The following TAPBPL variants were observed in gnomAD, a reference collection of about 807,000 sequenced individuals.
TAPBPL encodes the protein TAP binding protein like.
A neutral mutation model predicts 44.8 loss-of-function variants in TAPBPL; 32 were observed. The ratio of observed to expected loss-of-function variants is 0.71; its 90% CI spans 0.54 to 0.96. The LOEUF is 0.96. Ranked by LOEUF, TAPBPL falls within the 40% of genes least tolerant of loss-of-function variation. The probability of loss-of-function intolerance (pLI) is 0.00; values close to 1 mark genes in which losing one functional copy is unlikely to be tolerated. For missense variants in TAPBPL, 520 were observed against 586.6 expected (o/e 0.89, Z 1.17); for synonymous variants, 230 against 240.7 (o/e 0.96, Z 0.41).
chr12:6,454,532 C>T (rs2532498), intron 3 of TAPBPL, among the ~76,000 whole-genome samples: 1 of 151,966 alleles, frequency 6.6e-6, no homozygotes, highest in Non-Finnish European at 1.5e-5. Context: ...CCTACCTGAA[C>T]GTCCCCAGGC....
In TAPBPL at chr12:6,453,043, G is replaced by A. The variant is rs1234998973; in HGVS notation, c.65-24G>A. On this transcript the variant is annotated intron_variant, in intron 1 of 6. Transcript: ENST00000266556. This position sits in a 1 kb window ranked among gnomAD's most constrained non-coding sequence, Gnocchi z 4.8. ...GGAGTAGCTTTCTGGGGAAGGCGGT[G>A]CTCACCCCAGCCTTTGTCTGCAGAG... 6.4e-7 allele frequency: 1 copy of A among 1,552,828 alleles called. No individual in the cohort carries two copies. The highest frequency in any genetic ancestry group is 8.7e-7 in the Non-Finnish European group (1 of 1,147,704).
chr12:6,454,192 G>C (rs1371770755), intron 3 of TAPBPL, among the ~76,000 whole-genome samples: 1 of 152,078 alleles, frequency 6.6e-6, no homozygotes, highest in African/African-American at 2.4e-5. Flanking sequence ...AGTCAGGCCA[G>C]GTGCGAAGGC....
downstream of TAPBPL, chr12:6,462,715 CAGT>C: frequency 9.2e-7 from 1 of 1,092,646 alleles, no homozygotes; most frequent in Non-Finnish European, 1.3e-6. Context: ...ACATCGAGGA[CAGT>C]GGTGGTTCTT....
At position 6,457,422 on chromosome 12, in the gene TAPBPL, GAC is replaced by G; in HGVS notation, c.586_587del (p.Gln196AspfsTer109). Reference sequence around the variant, plus strand: ...TCTTCACAGTGGAGTTCCAGGTGATGACACAGACCCAATCCCTGAGCTTCCTG... The same window carrying G: ...TCTTCACAGTGGAGTTCCAGGTGATGACAGACCCAATCCCTGAGCTTCCTG... Reference protein sequence around the residue: ...VRTAVEFQVMTQTQSLSFLLG... With the variant: ...VRTAVEFQVMXQTQSLSFLLG... On this transcript the variant is annotated frameshift_variant, in exon 4 of 7. Transcript: ENST00000266556. LOFTEE classifies it high-confidence loss of function. The G allele has an allele frequency of 6.2e-7, 1 of 1,613,886 alleles. No individual in the cohort carries two copies. Among genetic ancestry groups the G allele is most frequent in the Non-Finnish European group, 8.5e-7 (1 of 1,179,806 alleles).
chr12:6,470,265 G>T (rs1945737551), downstream of TAPBPL, among the ~76,000 whole-genome samples: 1 of 152,034 alleles, frequency 6.6e-6, no homozygotes, highest in Non-Finnish European at 1.5e-5. Flanking sequence ...CCAGAATGAG[G>T]CGCCACTCAG....
chr12:6,457,397 T>A lies in TAPBPL; in HGVS notation c.566-9T>A. 1.2e-6 allele frequency: 2 copies of A among 1,608,280 alleles called. No individual in the cohort carries two copies. Among genetic ancestry groups the A allele is most frequent in the Non-Finnish European group, 1.7e-6 (2 of 1,175,746 alleles). On this transcript the variant is annotated splice_polypyrimidine_tract_variant and intron_variant, in intron 3 of 6. Transcript: ENST00000266556. ...AGCCCACAAATCACCCCTCTTTTCCTCTTCACAGTGGAGTTCCAGGTGATG... is the reference window on the plus strand; with the variant it reads ...AGCCCACAAATCACCCCTCTTTTCCACTTCACAGTGGAGTTCCAGGTGATG...
At chr12:6,451,903 CCA>C (rs1487343172), upstream of TAPBPL, 7 of 363,626 alleles carry the variant, frequency 1.9e-5, no homozygotes, top group Admixed American at 8.9e-5. Context: ...TCCCCTTTTC[CCA>C]CAGTTATAGC....
intron 1 of TAPBPL, chr12:6,452,726 C>T (rs1736389575): frequency 5.9e-6 from 4 of 675,900 alleles, no homozygotes; most frequent in Non-Finnish European, 8.9e-6. Flanking sequence ...AGTAACTGTC[C>T]AGTCTCCTCT....
downstream of TAPBPL, chr12:6,465,992 G>A (rs1424452490): frequency 3.1e-6 from 5 of 1,614,244 alleles, no homozygotes; most frequent in Admixed American, 5.0e-5. Flanking sequence ...CACGTATGAT[G>A]TCCACCACCT....
At chr12:6,462,822 T>G (rs1349086588), downstream of TAPBPL, 1 of 1,604,686 alleles carries the variant, frequency 6.2e-7, no homozygotes, top group Admixed American at 1.7e-5. Flanking sequence ...GACTGCTTTC[T>G]TCCAGCTCTT....
At chr12:6,468,682 C>T (rs971661659), downstream of TAPBPL, among the ~76,000 whole-genome samples, 7 of 152,316 alleles carry the variant, frequency 4.6e-5, no homozygotes, top group Non-Finnish European at 1.0e-4. Flanking sequence ...AATGTTCTCT[C>T]ATTCTGTACC....
Position 6,462,187 on chromosome 12 carries a change from C to G in TAPBPL, c.*38C>G, listed in dbSNP as rs1228556353. 1.3e-6 allele frequency: 2 copies of G among 1,532,160 alleles called. No individual in the cohort carries two copies. The highest frequency in any genetic ancestry group is 1.8e-6 in the Non-Finnish European group (2 of 1,124,942). The allele number at this position is 1,532,160 out of a possible 1,614,324, so 94.9% of individuals were successfully genotyped here. A position where few individuals can be genotyped will look rare whatever the true frequency, so the allele number is the denominator to read the frequency against. ...TGAGACTACTAGAAAGAAACGACAC[C>G]CTTCCCCAAGCCCCCACAGCTACTC... is the stretch of plus-strand genomic sequence containing the variant. On this transcript the variant is annotated 3_prime_UTR_variant, in exon 7 of 7. Transcript: ENST00000266556.
chr12:6,470,383 G>T, downstream of TAPBPL: 2 of 1,217,160 alleles, frequency 1.6e-6, no homozygotes, highest in Admixed American at 2.0e-5. Context: ...CCTCCCTGGG[G>T]GTGGCCCGGT....
In TAPBPL at chr12:6,460,927, A is replaced by T. The variant is rs146303956; in HGVS notation, c.1280A>T (p.Gln427Leu). Residue 427 changes from glutamine to leucine, a missense_variant, in exon 6 of 7, where the codon CAG becomes CTG. By Grantham distance (113) the Gln-to-Leu change is moderately radical. Transcript: ENST00000266556. ...FLLALMFLGL[Q>L]RRQAPTGLGL... ...CTTGCACTGATGTTCCTGGGGCTTC[A>T]GAGACGGCAAGGTAAGAGCCTGGGT... is the stretch of plus-strand genomic sequence containing the variant. 52 of 1,614,066 alleles carry T rather than the reference A, an allele frequency of 3.2e-5. No individual in the cohort carries two copies. The African/African-American group carries it at 6.7e-4, about 21-fold the overall frequency.
Position 6,453,686 on chromosome 12 carries a change from C to CT in TAPBPL, c.536dup (p.Ser180GlufsTer126), listed in dbSNP as rs756473335. Reference sequence around the variant, plus strand: ...CTGGCACCCGACGCTGAACTTGCCACTGAGCCCCCAGGGGACTGTGCGAAC... The same window carrying CT: ...CTGGCACCCGACGCTGAACTTGCCACTTGAGCCCCCAGGGGACTGTGCGAAC... On this transcript the variant is annotated frameshift_variant, in exon 3 of 7. Coordinates refer to ENST00000266556, the MANE Select transcript of TAPBPL (RefSeq NM_018009.5). LOFTEE classifies it high-confidence loss of function. This position sits in a 1 kb window ranked among gnomAD's most constrained non-coding sequence, Gnocchi z 4.8. The CT allele has an allele frequency of 3.7e-6, 6 of 1,612,306 alleles. No individual in the cohort carries two copies. The South Asian group carries it at 6.6e-5, about 18-fold the overall frequency.
chr12:6,470,743 C>G (rs945556954), downstream of TAPBPL: 2 of 640,842 alleles, frequency 3.1e-6, no homozygotes, highest in African/African-American at 1.8e-5. Flanking sequence ...CGGTGACAAC[C>G]CCGCGGCCCA....
downstream of TAPBPL, chr12:6,465,944 C>G (rs985285542): frequency 1.9e-6 from 3 of 1,614,142 alleles, no homozygotes; most frequent in African/African-American, 1.3e-5. Context: ...CCAGCTCTGA[C>G]AGCTTCTGGT....
chr12:6,451,804 G>T, upstream of TAPBPL: 1 of 275,718 alleles, frequency 3.6e-6, no homozygotes. Flanking sequence ...TGGCAGAGGA[G>T]GTTTCTCAGC....
Position 6,458,910 on chromosome 12 carries a change from G to A in TAPBPL, c.1170G>A (p.Glu390=). The A allele has an allele frequency of 1.2e-6, 2 of 1,614,126 alleles. No individual in the cohort carries two copies. The highest frequency in any genetic ancestry group is 1.3e-5 in the African/African-American group (1 of 75,044). Residue 390 remains glutamate, a synonymous_variant, in exon 5 of 7, where the codon GAG becomes GAA. Transcript: ENST00000266556. ...GCCAGGTCACACACATCTCTCTGGAGGAGCCCCTTGGGGCCAGCACCCAGG... is the reference window on the plus strand; with the variant it reads ...GCCAGGTCACACACATCTCTCTGGAAGAGCCCCTTGGGGCCAGCACCCAGG... ...YTCQVTHISL[E]EPLGASTQVV...
Sources: gnomAD v4.1 joint callset for allele counts (sites outside exome capture counted in the v4.1 genomes callset) on GRCh38, gnomAD v4.1.1 for gene constraint, Gnocchi (gnomAD v3.1) non-coding constraint, MANE v1.5 for transcripts, NCBI Gene and HGNC (gene_info 2026-07-23, HGNC 2026-07-21) for gene names.